The following NOTCH3 variants were observed in gnomAD, a reference collection of about 807,000 sequenced individuals.
NOTCH3 encodes neurogenic locus notch homolog protein 3.
In NOTCH3, 86 loss-of-function variants were observed where a neutral mutation model predicts 213.3. That is an observed-to-expected ratio of 0.40 (90% CI 0.34 to 0.48). The LOEUF (loss-of-function observed/expected upper bound fraction) is 0.48, where lower values mean the gene tolerates loss of function less well. Ranked by LOEUF, NOTCH3 falls within the 20% of genes least tolerant of loss-of-function variation. NOTCH3 has a pLI of 0.57. For missense variants in NOTCH3, 2,783 were observed against 3,272.6 expected (o/e 0.85, Z 3.65); for synonymous variants, 1,354 against 1,355.9 (o/e 1.00, Z 0.03).
intron 29 of NOTCH3, 118 bp from the exon 30 acceptor site, chr19:15,166,209 T>A: frequency 1.2e-6 from 1 of 846,294 alleles, no homozygotes; most frequent in Non-Finnish European, 1.9e-6. Context: ...AATTAGCAGA[T>A]CCTCCTGTCT....
chr19:15,175,697 G>A (rs1237090310), intron 24 of NOTCH3, among the ~76,000 whole-genome samples: 1 of 150,868 alleles, frequency 6.6e-6, no homozygotes, highest in Non-Finnish European at 1.5e-5. Flanking sequence ...GACCAGGGAG[G>A]TGCTCACTGA....
In NOTCH3 at chr19:15,178,939, G is replaced by C. The variant is rs2046815104; in HGVS notation, c.3721C>G (p.Pro1241Ala). Residue 1241 changes from proline (P) to alanine (A), a missense_variant and splice_region_variant, in exon 23 of 33, where the codon CCT (proline) becomes GCT (alanine). Coordinates refer to ENST00000263388, the MANE Select transcript of NOTCH3 (RefSeq NM_000435.3). ...GGAGACAGGACAGTCTGACAGCGAG[G>C]ACCTGAGCGAGCGGGAGCATGTAGA... ...RCLCHAGFSG[P>A]RCQTVLSPCE... The C allele has an allele frequency of 8.1e-6, 13 of 1,613,974 alleles. No individual in the cohort carries two copies. Among genetic ancestry groups the C allele is most frequent in the Non-Finnish European group, 1.1e-5 (13 of 1,180,008 alleles).
chr19:15,162,524 C>G lies in NOTCH3; in HGVS notation c.5854G>C (p.Val1952Leu). The change falls in exon 32 of 33, where the codon GTG becomes CTG. Residue 1952 changes from valine to leucine, a missense_variant. Val to Leu is a conservative substitution (Grantham distance 32). Transcript: ENST00000263388. ...ALHWAAAVNN[V>L]EATLALLKNG... ...TTGAGCAGGGCCAAAGTGGCTTCCA[C>G]GTTGTTCACAGCCGCAGCCCAGTGT... 6.2e-7 allele frequency: 1 copy of G among 1,613,958 alleles called. No individual in the cohort carries two copies.
rs567133477 is a variant in NOTCH3, at chr19:15,185,222, T to C, written c.2296+35A>G. 35 of 1,611,126 alleles carry C rather than the reference T, an allele frequency of 2.2e-5. No homozygotes were observed. In the South Asian group the frequency reaches 2.6e-4, roughly 12 times the overall value. ...AAGAGAGATGAGAAGGCCCATGGTG[T>C]TGGTGGGGCTGCAGAGGGAAGGTGA... On this transcript the variant is annotated intron_variant, in intron 14 of 32. Coordinates refer to ENST00000263388, the MANE Select transcript of NOTCH3 (RefSeq NM_000435.3). The surrounding 1 kb of genome is among the most constrained non-coding windows in gnomAD (Gnocchi z 4.2).
At chr19:15,199,473 G>C (rs758415288) in intron 1 of NOTCH3, among the ~76,000 whole-genome samples, 6 of 152,136 alleles carry the variant, frequency 3.9e-5, no homozygotes, top group Admixed American at 6.5e-5. Flanking sequence ...GCATGTCCTT[G>C]AGTCTTCATC....
At chr19:15,195,431 T>C (rs1376523535) in intron 2 of NOTCH3, among the ~76,000 whole-genome samples, 2 of 151,562 alleles carry the variant, frequency 1.3e-5, no homozygotes, top group African/African-American at 4.9e-5. Flanking sequence ...GAGTCCAAGC[T>C]CCGCCCCCCG....
chr19:15,161,087 G>T lies in NOTCH3; in HGVS notation c.6541C>A (p.Pro2181Thr). 1 of 1,542,146 alleles carries T rather than the reference G, an allele frequency of 6.5e-7. No homozygotes were observed. Residue 2181 changes from proline to threonine, a missense_variant, in exon 33 of 33, where the codon CCA (proline) becomes ACA (threonine). By Grantham distance (38) the Pro-to-Thr change is conservative. Around this residue, in one of 6 missense-constraint regions of NOTCH3, gnomAD observed 441 missense variants for 432.1 expected, o/e 1.02. Transcript: ENST00000263388. Reference protein sequence around the residue: ...DWARLPPPAPPGPSFLLPLAP... With the variant: ...DWARLPPPAPTGPSFLLPLAP... ...AGTGGCAGCAGGAACGAGGGGCCTG[G>T]AGGGGCAGGTGGGGGCAGCCGGGCC...
Position 15,161,468 on chromosome 19 carries a change from T to C in NOTCH3, c.6160A>G (p.Lys2054Glu). 1 of 1,573,164 alleles carries C rather than the reference T, an allele frequency of 6.4e-7. No individual in the cohort carries two copies. Among genetic ancestry groups the C allele is most frequent in the East Asian group, 2.3e-5 (1 of 43,022 alleles). ...TTCTTGGACCCCGACTGTGCCGCTT[T>C]GAGGCCAGGGAGGAAGGCCCCTGGA... ...CPPGAFLPGL[K>E]AAQSGSKKSR... Residue 2054 changes from lysine (K) to glutamate (E), a missense_variant, in exon 33 of 33, where the codon AAA becomes GAA. This residue lies in a region of NOTCH3 where 441 missense variants were observed against 432.1 expected (regional missense o/e 1.02). Transcript: ENST00000263388.
Position 15,178,910 on chromosome 19 carries a change from G to A in NOTCH3, c.3750C>T (p.Cys1250=), listed in dbSNP as rs770607069. 9.9e-6 allele frequency: 16 copies of A among 1,613,132 alleles called. No homozygotes were observed. The highest frequency in any genetic ancestry group is 2.7e-5 in the African/African-American group (2 of 74,898). ...CTCCATGCTGGCATGGCTGGGACTC[G>A]CAGGGAGACAGGACAGTCTGACAGC... ...GPRCQTVLSP[C]ESQPCQHGGQ... is the part of the protein sequence containing the mutation. The change falls in exon 23 of 33, where the codon TGC becomes TGT. Residue 1250 remains cysteine (C), a synonymous_variant. Transcript: ENST00000263388.
At position 15,189,421 on chromosome 19, in the gene NOTCH3, C is replaced by G; in HGVS notation, c.1044G>C (p.Leu348=). Residue 348 remains leucine, a synonymous_variant, in exon 7 of 33, where the codon CTG becomes CTC. Coordinates refer to ENST00000263388, the MANE Select transcript of NOTCH3 (RefSeq NM_000435.3). ...TGACACAGGCGTCATCCAGGTGACA[C>G]AGGAGGCCTGGGAAGTGGTAAGCAG... ...CACPMGKTGL[L]CHLDDACVSN... is the part of the protein sequence containing the mutation. 1 of 1,613,776 alleles carries G rather than the reference C, an allele frequency of 6.2e-7. No individual in the cohort carries two copies. The highest frequency in any genetic ancestry group is 2.2e-5 in the East Asian group (1 of 44,890).
rs774384148 is a variant in NOTCH3 at position 15,167,387 on chromosome 19, C to T, written c.5224G>A (p.Glu1742Lys). 1.2e-6 allele frequency: 2 copies of T among 1,608,402 alleles called. No individual in the cohort carries two copies. The highest frequency in any genetic ancestry group is 2.2e-5 in the East Asian group (1 of 44,884). ...LKVEEPGMGA[E>K]EAVDCRQWTQ... The stretch of plus-strand genomic sequence containing the variant: ...CACTGACGGCAATCCACAGCCTCCT[C>T]AGCCCCCATGCCTGGCTCCTCTACC... The change falls in exon 29 of 33, where the codon GAG (glutamate) becomes AAG (lysine). Residue 1742 changes from glutamate (E) to lysine (K), a missense_variant. Transcript: ENST00000263388.
At chr19:15,175,552 A>AAAAAAAACAT (rs1273195882) in intron 24 of NOTCH3, among the ~76,000 whole-genome samples, 2 of 24,004 alleles carry the variant, frequency 8.3e-5, no homozygotes, top group Non-Finnish European at 2.5e-4. Context: ...AAAAAAAAAA[A>AAAAAAAACAT]ATACATATAT....
intron 31 of NOTCH3, among the ~76,000 whole-genome samples, chr19:15,164,108 G>A (rs987767542): frequency 3.9e-5 from 6 of 152,194 alleles, no homozygotes; most frequent in Admixed American, 1.3e-4. Flanking sequence ...GTGATGAAAT[G>A]TTCTAAAATT....
chr19:15,179,673 G>A (rs1175738372), intron 20 of NOTCH3, 177 bp from the exon 21 acceptor site: 49 of 683,964 alleles, frequency 7.2e-5, no homozygotes, highest in Non-Finnish European at 1.2e-4. Context: ...CCTGAGATCA[G>A]GAGTTCGAGA....
intron 6 of NOTCH3, among the ~76,000 whole-genome samples, chr19:15,190,178 G>A (rs1255313312): frequency 1.3e-5 from 2 of 152,132 alleles, no homozygotes; most frequent in East Asian, 1.9e-4. Context: ...GGGGACTGAG[G>A]TGGGAGGATC....
chr19:15,189,566 T>A, intron 6 of NOTCH3, 138 bp from the exon 7 acceptor site: 1 of 1,035,194 alleles, frequency 9.7e-7, no homozygotes, highest in Non-Finnish European at 1.5e-6. Flanking sequence ...TTGCCCAAGC[T>A]GGAGTACAAT....
chr19:15,197,332 C>T (rs1568363866), intron 2 of NOTCH3, among the ~76,000 whole-genome samples, 168 bp downstream of exon 2: 5 of 152,148 alleles, frequency 3.3e-5, no homozygotes, highest in Admixed American at 3.3e-4. Flanking sequence ...GTGCAGAGCC[C>T]CTGCTCAGTT....
intron 20 of NOTCH3, among the ~76,000 whole-genome samples, 188 bp downstream of exon 20, chr19:15,179,884 A>C (rs916697144): frequency 1.3e-5 from 2 of 151,992 alleles, no homozygotes; most frequent in Non-Finnish European, 2.9e-5. Flanking sequence ...CTGTCTCAAA[A>C]AAACAAACAA....
intron 2 of NOTCH3, among the ~76,000 whole-genome samples, chr19:15,193,945 G>T (rs2046951243): frequency 6.6e-6 from 1 of 151,872 alleles, no homozygotes; most frequent in Non-Finnish European, 1.5e-5. Flanking sequence ...AGCTGGGCGT[G>T]GTGGTGCACT....
Sources: gnomAD v4.1 joint callset for allele counts (sites outside exome capture counted in the v4.1 genomes callset) on GRCh38, gnomAD v4.1.1 for gene constraint, gnomAD v4.1.1 regional missense constraint, Gnocchi (gnomAD v3.1) non-coding constraint, MANE v1.5 for transcripts, NCBI Gene and HGNC (gene_info 2026-07-23, HGNC 2026-07-21) for gene names.